PLEKHB1: variants seen among roughly 807,000 people sequenced by gnomAD.
PLEKHB1 encodes the protein pleckstrin homology domain containing B1.
PLEKHB1 carries 29 observed loss-of-function variants against 36.2 expected under a neutral mutation model. The ratio of observed to expected loss-of-function variants is 0.80; its 90% CI spans 0.60 to 1.09. The LOEUF is 1.09. PLEKHB1 is among the 50% of genes least tolerant of loss of function. The pLI, the probability that PLEKHB1 is intolerant of heterozygous loss-of-function variation, is 0.00. For missense variants in PLEKHB1, 330 were observed against 348.2 expected, an observed-to-expected ratio of 0.95 and a Z score of 0.42; for synonymous variants, 138 against 140.0, an observed-to-expected ratio of 0.99 and a Z score of 0.10.
intron 4 of PLEKHB1, among the ~76,000 whole-genome samples, chr11:73,652,235 C>G (rs59610227): frequency 0.023 from 3,521 of 152,332 alleles, 125 homozygotes; most frequent in African/African-American, 0.079. Context: ...CCCTTGCTCC[C>G]TTCTTAGAAG....
In PLEKHB1 at chr11:73,658,925, T is replaced by C. The variant is rs548832833; in HGVS notation, c.496-1828T>C. On this transcript the variant is annotated intron_variant, in intron 6 of 7. Coordinates refer to ENST00000354190, the MANE Select transcript of PLEKHB1 (RefSeq NM_021200.3). Reference sequence around the variant, plus strand: ...AGCCGCTGTGCCTAGCCTTTCTTGATTTGAGTGCATGGTGATGGCATGTAC... The same window carrying C: ...AGCCGCTGTGCCTAGCCTTTCTTGACTTGAGTGCATGGTGATGGCATGTAC... 3.9e-5 allele frequency among the ~76,000 whole-genome samples: 6 copies of C among 152,298 alleles called. No individual in the cohort carries two copies. In the East Asian group the frequency reaches 1.2e-3, roughly 29 times the overall value.
At chr11:73,647,545 CG>C (rs1944790926) in intron 1 of PLEKHB1, 1 of 985,344 alleles carries the variant, frequency 1.0e-6, no homozygotes. Context: ...CATCTCTTCA[CG>C]TCACTCCCCC....
chr11:73,648,595 C>G (rs2134794755), intron 1 of PLEKHB1: 1 of 989,062 alleles, frequency 1.0e-6, no homozygotes, highest in African/African-American at 1.7e-5. Context: ...GTTTCTAATA[C>G]TTTAAGAGTC....
At chr11:73,651,457 C>T (rs1944891440) in intron 3 of PLEKHB1, 1 of 523,708 alleles carries the variant, frequency 1.9e-6, no homozygotes, top group Non-Finnish European at 3.7e-6. Context: ...TCCAGGCGCT[C>T]GGTACTGGAT....
intron 7 of PLEKHB1, 43 bp downstream of exon 7, chr11:73,660,895 C>T (rs1363625314): frequency 6.6e-7 from 1 of 1,522,866 alleles, no homozygotes; most frequent in Non-Finnish European, 8.9e-7. Flanking sequence ...GATCCAGCAC[C>T]GATTCAGCGC....
At chr11:73,651,047 G>C (rs1228941546) in intron 3 of PLEKHB1, among the ~76,000 whole-genome samples, 1 of 151,542 alleles carries the variant, frequency 6.6e-6, no homozygotes, top group East Asian at 1.9e-4. Context: ...CTACTGGGGA[G>C]GCCGAGGCAG....
At chr11:73,657,186 CTA>C (rs1207514465) in intron 6 of PLEKHB1, among the ~76,000 whole-genome samples, 1 of 152,116 alleles carries the variant, frequency 6.6e-6, no homozygotes, top group East Asian at 1.9e-4. Flanking sequence ...TGCAGAATCA[CTA>C]AGCCTAGAAG....
At position 73,649,049 on chromosome 11, in the gene PLEKHB1, A is replaced by T; in HGVS notation, c.56A>T (p.Glu19Val). Residue 19 changes from glutamate (E) to valine (V), a missense_variant, in exon 2 of 8, where the codon GAA becomes GTA. Coordinates refer to ENST00000354190, the MANE Select transcript of PLEKHB1 (RefSeq NM_021200.3). ...TCCGCTCTGGAAAGTCCTTTTGAAGAAATGGCCCTGGTGAGGGGCGGCTGG... is the reference window on the plus strand; with the variant it reads ...TCCGCTCTGGAAAGTCCTTTTGAAGTAATGGCCCTGGTGAGGGGCGGCTGG... ...PDSALESPFE[E>V]MALVRGGWLW... is the part of the protein sequence containing the mutation. 6.2e-7 allele frequency: 1 copy of T among 1,602,380 alleles called. No homozygotes were observed. The highest frequency in any genetic ancestry group is 1.1e-5 in the South Asian group (1 of 88,488).
chr11:73,661,727 G>A lies in PLEKHB1; in HGVS notation c.*125G>A. ...CCTATCCTCTCCATTAGCTCCTTCC[G>A]GGTTTGGACCATTCCCCCCACTCCC... On this transcript the variant is annotated 3_prime_UTR_variant, in exon 8 of 8. Transcript: ENST00000354190. The surrounding 1 kb of genome is among the most constrained non-coding windows in gnomAD (Gnocchi z 4.6). 11 of 1,249,194 alleles carry A rather than the reference G, an allele frequency of 8.8e-6. No homozygotes were observed. The highest frequency in any genetic ancestry group is 1.1e-5 in the Non-Finnish European group (10 of 916,674). 77.4% of individuals were successfully genotyped at this position (1,249,194 alleles called of 1,614,324 possible). A position where few individuals can be genotyped will look rare whatever the true frequency, so the allele number is the denominator to read the frequency against.
chr11:73,661,460 C>T lies in PLEKHB1; in HGVS notation c.596-6C>T, dbSNP rs1945118220. The T allele has an allele frequency of 1.2e-6, 2 of 1,613,790 alleles. No homozygotes were observed. The highest frequency in any genetic ancestry group is 2.7e-5 in the African/African-American group (2 of 75,074). ...GCTGATCCTCATGGGCTGTCTCCCT[C>T]TGCAGGCCCTGGCGTGACGCACGTG... On this transcript the variant is annotated splice_region_variant and splice_polypyrimidine_tract_variant and intron_variant, in intron 7 of 7. Transcript: ENST00000354190. This position sits in a 1 kb window ranked among gnomAD's most constrained non-coding sequence, Gnocchi z 4.6.
intron 6 of PLEKHB1, among the ~76,000 whole-genome samples, chr11:73,659,036 G>A (rs1386759110): frequency 4.6e-5 from 7 of 151,962 alleles, no homozygotes; most frequent in African/African-American, 1.2e-4. Flanking sequence ...CCAGCCTGGC[G>A]AACATGGTGA....
chr11:73,659,086 C>T (rs530925924), intron 6 of PLEKHB1, among the ~76,000 whole-genome samples: 4 of 152,102 alleles, frequency 2.6e-5, no homozygotes, highest in Non-Finnish European at 2.9e-5. Flanking sequence ...ATTAGCCAGG[C>T]GTGGTGGCAG....
intron 5 of PLEKHB1, among the ~76,000 whole-genome samples, chr11:73,654,792 A>C (rs375213903): frequency 6.6e-6 from 1 of 152,156 alleles, no homozygotes; most frequent in African/African-American, 2.4e-5. Flanking sequence ...GAAACAGGAG[A>C]GATGACCTCT....
At chr11:73,657,158 CT>C (rs1290068664) in intron 6 of PLEKHB1, among the ~76,000 whole-genome samples, 1 of 152,052 alleles carries the variant, frequency 6.6e-6, no homozygotes, top group African/African-American at 2.4e-5. Flanking sequence ...AAAAAATTGT[CT>C]CCTGATGACT....
In PLEKHB1 at chr11:73,661,417, T is replaced by C; in HGVS notation, c.596-49T>C. 1 of 1,604,400 alleles carries C rather than the reference T, an allele frequency of 6.2e-7. No individual in the cohort carries two copies. On this transcript the variant is annotated intron_variant, in intron 7 of 7. Coordinates refer to ENST00000354190, the MANE Select transcript of PLEKHB1 (RefSeq NM_021200.3). This position sits in a 1 kb window ranked among gnomAD's most constrained non-coding sequence, Gnocchi z 4.6. ...GATGCAGGAAGGGTACGAAGATCAC[T>C]CTACTCCCTCCTAAGTCGCTGATCC...
chr11:73,657,730 C>A (rs567976165), intron 6 of PLEKHB1, among the ~76,000 whole-genome samples: 2 of 152,214 alleles, frequency 1.3e-5, no homozygotes, highest in Admixed American at 1.3e-4. Flanking sequence ...ACCTCAACTT[C>A]CCCACCAATA....
At chr11:73,654,752 C>T (rs1804946045) in intron 5 of PLEKHB1, among the ~76,000 whole-genome samples, 1 of 152,186 alleles carries the variant, frequency 6.6e-6, no homozygotes, top group African/African-American at 2.4e-5. Flanking sequence ...CCAGAGTCTG[C>T]CTGGCTGGAG....
At position 73,661,602 on chromosome 11, in the gene PLEKHB1, A is replaced by ACCT; in HGVS notation, c.732_*1insCCT. ...TCATGTGGTCGCCCTGCTGGTTCTG[A>ACCT]GCCCTGGGACTCGGAGCACTGACCC... On this transcript the variant is annotated 3_prime_UTR_variant, in exon 8 of 8. Coordinates refer to ENST00000354190, the MANE Select transcript of PLEKHB1 (RefSeq NM_021200.3). This position sits in a 1 kb window ranked among gnomAD's most constrained non-coding sequence, Gnocchi z 4.6. 6.3e-7 allele frequency: 1 copy of ACCT among 1,580,390 alleles called. No homozygotes were observed. Among genetic ancestry groups the ACCT allele is most frequent in the Admixed American group, 1.8e-5 (1 of 55,712 alleles).
intron 2 of PLEKHB1, 149 bp downstream of exon 2, chr11:73,649,236 C>A: frequency 2.0e-6 from 2 of 1,015,460 alleles, no homozygotes; most frequent in South Asian, 1.7e-5. Flanking sequence ...AGGTCCTTCC[C>A]ATTCCCGACT....
Sources: allele counts gnomAD v4.1 joint callset (sites outside exome capture counted in the v4.1 genomes callset), GRCh38; gene constraint gnomAD v4.1.1; non-coding constraint Gnocchi (gnomAD v3.1); transcripts MANE v1.5; gene names NCBI Gene and HGNC (gene_info 2026-07-23, HGNC 2026-07-21).